ITGA9: variants seen among roughly 807,000 people sequenced by gnomAD.
The protein encoded by ITGA9 is integrin subunit alpha 9.
A neutral mutation model predicts 127.8 loss-of-function variants in ITGA9; 56 were observed. The observed-to-expected ratio is 0.44, with a 90% confidence interval of 0.35 to 0.55. ITGA9 has a LOEUF of 0.55. ITGA9 is among the 20% of genes least tolerant of loss of function. The pLI is 0.00. For missense variants in ITGA9, 1,196 were observed against 1,347.1 expected (o/e 0.89, Z 1.76); for synonymous variants, 508 against 514.5 (o/e 0.99, Z 0.17).
intron 15 of ITGA9, among the ~76,000 whole-genome samples, chr3:37,561,853 T>C (rs1446875758): frequency 6.6e-6 from 1 of 152,136 alleles, no homozygotes; most frequent in Admixed American, 6.5e-5. Flanking sequence ...TTCCGGGGAC[T>C]CATCTCTCAG....
At chr3:37,482,153 A>T (rs1251939163) in intron 4 of ITGA9, among the ~76,000 whole-genome samples, 1 of 152,206 alleles carries the variant, frequency 6.6e-6, no homozygotes, top group Middle Eastern at 3.2e-3. Flanking sequence ...CAACAGCTGG[A>T]CAGAAACCTG....
At chr3:37,506,707 G>A (rs1216938568) in intron 7 of ITGA9, among the ~76,000 whole-genome samples, 2 of 152,122 alleles carry the variant, frequency 1.3e-5, no homozygotes, top group Non-Finnish European at 2.9e-5. Flanking sequence ...TGTGAACTAC[G>A]CTTGTTGGTT....
chr3:37,645,073 T>C lies in ITGA9; in HGVS notation c.1840-8641T>C, dbSNP rs72857262. ...GAAACCTCTTACACTCAGGTCATGGTATTTATATGAATACAAAAAAAAATT... is the reference window on the plus strand; with the variant it reads ...GAAACCTCTTACACTCAGGTCATGGCATTTATATGAATACAAAAAAAAATT... On this transcript the variant is annotated intron_variant, in intron 16 of 27. Coordinates refer to ENST00000264741, the MANE Select transcript of ITGA9 (RefSeq NM_002207.3). Among the ~76,000 whole-genome samples, 995 of 152,266 alleles carry C rather than the reference T, an allele frequency of 6.5e-3. 13 individuals are homozygous for C. The highest frequency in any genetic ancestry group is 0.023 in the African/African-American group (936 of 41,552).
chr3:37,687,810 A>C (rs886525679), intron 18 of ITGA9, among the ~76,000 whole-genome samples: 2 of 152,232 alleles, frequency 1.3e-5, no homozygotes, highest in Non-Finnish European at 2.9e-5. Context: ...GGATTTCCCC[A>C]AAAGCATACC....
chr3:37,542,431 A>G lies in ITGA9; in HGVS notation c.1535A>G (p.Asn512Ser). The change falls in exon 15 of 28, where the codon AAT becomes AGT. Residue 512 changes from asparagine (N) to serine (S), a missense_variant. Asn to Ser is a conservative substitution (Grantham distance 46). Coordinates refer to ENST00000264741, the MANE Select transcript of ITGA9 (RefSeq NM_002207.3). ...ACCTCTCATTTATTGGCAGGCCTGA[A>G]TTATGTTCTGATGGCTGACGTGGCC... ...GKHVPGEIGL[N>S]YVLMADVAKK... 1 of 1,613,464 alleles carries G rather than the reference A, an allele frequency of 6.2e-7. No individual in the cohort carries two copies. The highest frequency in any genetic ancestry group is 8.5e-7 in the Non-Finnish European group (1 of 1,179,982).
At chr3:37,563,749 C>T (rs115463752) in intron 15 of ITGA9, among the ~76,000 whole-genome samples, 51 of 152,310 alleles carry the variant, frequency 3.3e-4, no homozygotes, top group African/African-American at 1.1e-3. Flanking sequence ...CCATCACACC[C>T]ATCTGAAGTC....
chr3:37,760,833 C>A (rs1041587505), intron 23 of ITGA9, among the ~76,000 whole-genome samples: 1 of 152,078 alleles, frequency 6.6e-6, no homozygotes, highest in Non-Finnish European at 1.5e-5. Flanking sequence ...AAATGTTAAA[C>A]TTTTATGTGA....
chr3:37,718,962 G>A (rs1190254266), intron 18 of ITGA9, among the ~76,000 whole-genome samples: 1 of 152,230 alleles, frequency 6.6e-6, no homozygotes, highest in Non-Finnish European at 1.5e-5. Context: ...ACAGCTGGGT[G>A]TGGCATCTCT....
intron 18 of ITGA9, among the ~76,000 whole-genome samples, chr3:37,724,875 T>G (rs1701230244): frequency 6.6e-6 from 1 of 152,094 alleles, no homozygotes; most frequent in Non-Finnish European, 1.5e-5. Flanking sequence ...AGATGATTGG[T>G]GAGTGAATTA....
In ITGA9 at chr3:37,503,293, G is replaced by A. The variant is rs1481004026; in HGVS notation, c.728G>A (p.Arg243Gln). The A allele has an allele frequency of 5.0e-6, 8 of 1,614,034 alleles. No individual in the cohort carries two copies. Among genetic ancestry groups the A allele is most frequent in the South Asian group, 2.2e-5 (2 of 91,064 alleles). ...AACGACGAAGTGATCATGAACAGGC[G>A]GTACACCTACCTGGGTGAGTACTCA... ...KLNDEVIMNR[R>Q]YTYLGYAVTA... is the part of the protein sequence containing the mutation. Residue 243 changes from arginine to glutamine, a missense_variant, in exon 6 of 28, where the codon CGG becomes CAG. Coordinates refer to ENST00000264741, the MANE Select transcript of ITGA9 (RefSeq NM_002207.3).
chr3:37,761,790 A>C (rs1696726065), intron 23 of ITGA9, among the ~76,000 whole-genome samples: 1 of 152,188 alleles, frequency 6.6e-6, no homozygotes, highest in Non-Finnish European at 1.5e-5. Context: ...TGTGGTAAAG[A>C]AGCCAGCTGA....
intron 15 of ITGA9, among the ~76,000 whole-genome samples, chr3:37,548,420 C>T (rs1575145944): frequency 6.6e-6 from 1 of 152,314 alleles, no homozygotes; most frequent in East Asian, 1.9e-4. Context: ...TAACAGAGTG[C>T]ACACCTAAAA....
intron 23 of ITGA9, among the ~76,000 whole-genome samples, chr3:37,762,189 A>T (rs975515634): frequency 6.6e-6 from 1 of 152,222 alleles, no homozygotes; most frequent in African/African-American, 2.4e-5. Context: ...TCATCCTGCC[A>T]CAACTGTACA....
intron 5 of ITGA9, among the ~76,000 whole-genome samples, chr3:37,497,052 T>C (rs886355489): frequency 1.3e-5 from 2 of 152,260 alleles, no homozygotes; most frequent in Admixed American, 1.3e-4. Context: ...TCACTTTCCC[T>C]GATTATTAAT....
At chr3:37,787,277 T>G (rs955686455) in intron 26 of ITGA9, among the ~76,000 whole-genome samples, 1 of 124,828 alleles carries the variant, frequency 8.0e-6, no homozygotes, top group Non-Finnish European at 1.7e-5. Context: ...GTAGAATCCC[T>G]TGTGTAGATG....
At chr3:37,511,967 TC>T (rs1406024043) in intron 8 of ITGA9, among the ~76,000 whole-genome samples, 1 of 12,382 alleles carries the variant, frequency 8.1e-5, no homozygotes, top group African/African-American at 1.6e-4. Context: ...TTTTTCTCTT[TC>T]TTTTCTTTTC....
intron 17 of ITGA9, 55 bp from the exon 18 acceptor site, chr3:37,683,810 A>C: frequency 1.1e-5 from 18 of 1,585,816 alleles, no homozygotes; most frequent in Non-Finnish European, 1.6e-5. Context: ...CCTGTGCCTC[A>C]TGTTATATTA....
At chr3:37,734,320 T>C (rs1696332336) in intron 19 of ITGA9, among the ~76,000 whole-genome samples, 1 of 152,232 alleles carries the variant, frequency 6.6e-6, no homozygotes, top group Non-Finnish European at 1.5e-5. Flanking sequence ...TTGCCTATAG[T>C]AATGTATGTG....
chr3:37,779,576 C>T lies in ITGA9; in HGVS notation c.2668-326C>T, dbSNP rs1021995930. Among the ~76,000 whole-genome samples the T allele has an allele frequency of 2.6e-5, 4 of 151,986 alleles. No homozygotes were observed. The South Asian group carries it at 8.3e-4, about 31-fold the overall frequency. Reference sequence around the variant, plus strand: ...TCTGTGTTCAAAACTCATAAGAATGCTTTCAGAATGCAAAATTTAAGTTTG... The same window carrying T: ...TCTGTGTTCAAAACTCATAAGAATGTTTTCAGAATGCAAAATTTAAGTTTG... On this transcript the variant is annotated intron_variant, in intron 24 of 27. Coordinates refer to ENST00000264741, the MANE Select transcript of ITGA9 (RefSeq NM_002207.3).
Sources: gnomAD v4.1 joint callset for allele counts (sites outside exome capture counted in the v4.1 genomes callset) on GRCh38, gnomAD v4.1.1 for gene constraint, MANE v1.5 for transcripts, NCBI Gene and HGNC (gene_info 2026-07-23, HGNC 2026-07-21) for gene names.